Variants in ELN observed in about 807,000 individuals in gnomAD.
ELN encodes the protein tropoelastin.
In ELN, 65 loss-of-function variants were observed where a neutral mutation model predicts 105.8. That is an observed-to-expected ratio of 0.61 (90% CI 0.50 to 0.75). ELN has a LOEUF of 0.75. Ranked by LOEUF, ELN falls within the 30% of genes least tolerant of loss-of-function variation. The probability of loss-of-function intolerance (pLI) is 0.00; values close to 1 mark genes in which losing one functional copy is unlikely to be tolerated. For missense variants in ELN, 882 were observed against 969.4 expected, an observed-to-expected ratio of 0.91 and a Z score of 1.20; for synonymous variants, 368 against 389.2, an observed-to-expected ratio of 0.95 and a Z score of 0.64.
At chr7:74,054,879 A>G in intron 19 of ELN, 110 bp downstream of exon 19, 2 of 1,214,646 alleles carry the variant, frequency 1.6e-6, no homozygotes, top group South Asian at 2.5e-5. Context: ...GCCCAAGGTC[A>G]CCGAGCAAGT....
At chr7:74,051,267 G>A (rs569307079) in intron 15 of ELN, among the ~76,000 whole-genome samples, 6 of 152,274 alleles carry the variant, frequency 3.9e-5, no homozygotes, top group South Asian at 2.1e-4. Context: ...TGGAGGCCCC[G>A]CAGGCCCCCC....
rs1554690556 is a variant in ELN, at chr7:74,068,648, C to T, written c.2132-9C>T. On this transcript the variant is annotated splice_polypyrimidine_tract_variant and intron_variant, in intron 32 of 32. Transcript: ENST00000252034. ...GGACTCACAGTGATGTGCACCTCCTCCCGTCCAGGTGGGGCCTGCCTGGGG... is the reference window on the plus strand; with the variant it reads ...GGACTCACAGTGATGTGCACCTCCTTCCGTCCAGGTGGGGCCTGCCTGGGG... 1 of 1,614,004 alleles carries T rather than the reference C, an allele frequency of 6.2e-7. No homozygotes were observed. The highest frequency in any genetic ancestry group is 1.1e-5 in the South Asian group (1 of 91,088).
At chr7:74,034,471 G>A (rs1212830049) in intron 1 of ELN, among the ~76,000 whole-genome samples, 1 of 150,696 alleles carries the variant, frequency 6.6e-6, no homozygotes, top group Non-Finnish European at 1.5e-5. Context: ...TAGCACTTTA[G>A]GAGGCCAAGG....
rs1798573874 is a variant in ELN at position 74,069,005 on chromosome 7, C to T, written c.*305C>T. The T allele has an allele frequency of 6.2e-6, 3 of 486,502 alleles. No homozygotes were observed. Among genetic ancestry groups the T allele is most frequent in the African/African-American group, 3.9e-5 (2 of 51,918 alleles). The allele number at this position is 486,502 out of a possible 1,614,324, so 30.1% of individuals were successfully genotyped here. ...CCATCTCCAGGGGAACTTGGTGCTA[C>T]ACGCTGGTGCTCTTATCTTCCTGGG... On this transcript the variant is annotated 3_prime_UTR_variant, in exon 33 of 33. Coordinates refer to ENST00000252034, the MANE Select transcript of ELN (RefSeq NM_000501.4).
At chr7:74,050,605 G>GCATT (rs111893691) in intron 15 of ELN, among the ~76,000 whole-genome samples, 34,436 of 150,640 alleles carry the variant, frequency 0.23, 4,194 homozygotes, top group Non-Finnish European at 0.28. Flanking sequence ...ATTCACCCAT[G>GCATT]CATTCATTCA....
rs782791478 is a variant in ELN at position 74,060,132 on chromosome 7, T to TCCC, written c.1577-7_1577-5dup. 1 of 1,614,062 alleles carries TCCC rather than the reference T, an allele frequency of 6.2e-7. No homozygotes were observed. The highest frequency in any genetic ancestry group is 1.1e-5 in the South Asian group (1 of 91,070). ...CATCTCTAATCCCCCTCTCTCTCCC[T>TCCC]CCCTCAGCTGCAGCAAAATCCGCTG... On this transcript the variant is annotated splice_polypyrimidine_tract_variant and splice_region_variant and intron_variant, in intron 23 of 32. Transcript: ENST00000252034.
intron 1 of ELN, among the ~76,000 whole-genome samples, chr7:74,031,850 A>G (rs1554662410): frequency 6.8e-6 from 1 of 146,646 alleles, no homozygotes. Context: ...GAAAGAAAGG[A>G]AGGAAGGAAA....
rs185988110 is a variant in ELN at position 74,069,494 on chromosome 7, C to T, written c.*794C>T. ...CCATCCTACACTCCCCCAGGGCGTG[C>T]GGGGCTGTGCAGACTGGGGTGCCAG... On this transcript the variant is annotated 3_prime_UTR_variant, in exon 33 of 33. Coordinates refer to ENST00000252034, the MANE Select transcript of ELN (RefSeq NM_000501.4). 10 of 234,348 alleles carry T rather than the reference C, an allele frequency of 4.3e-5. No homozygotes were observed. The highest frequency in any genetic ancestry group is 6.7e-5 in the Non-Finnish European group (8 of 118,666). 14.5% of individuals were successfully genotyped at this position (234,348 alleles called of 1,614,324 possible).
chr7:74,042,906 G>C, intron 6 of ELN, 78 bp from the exon 7 acceptor site: 1 of 1,610,168 alleles, frequency 6.2e-7, no homozygotes, highest in Non-Finnish European at 8.5e-7. Context: ...TCAATGCTGG[G>C]CCCTCAGCAT....
chr7:74,042,796 G>A, intron 6 of ELN, 90 bp downstream of exon 6: 1 of 1,557,460 alleles, frequency 6.4e-7, no homozygotes, highest in Non-Finnish European at 8.7e-7. Flanking sequence ...ACTCAGGCTT[G>A]GGAGCCGGGT....
Position 74,051,967 on chromosome 7 carries a change from T to C in ELN, c.933T>C (p.Ala311=). 6.2e-7 allele frequency: 1 copy of C among 1,613,534 alleles called. No homozygotes were observed. Among genetic ancestry groups the C allele is most frequent in the South Asian group, 1.1e-5 (1 of 91,064 alleles). ...PAAAAAAAAA[A]KAAKYGAAAG... ...CAGCTGCAGCTGCAGCAGCAGCCGC[T>C]AAGGCAGCCAAGTATGGTGAGTGCC... Residue 311 remains alanine (A), a synonymous_variant, in exon 17 of 33, where the codon GCT becomes GCC. Transcript: ENST00000252034.
rs1554677615 is a variant in ELN at position 74,053,358 on chromosome 7, GTA to G, written c.1096+51_1096+52del. On this transcript the variant is annotated intron_variant, in intron 18 of 32. Coordinates refer to ENST00000252034, the MANE Select transcript of ELN (RefSeq NM_000501.4). ...TGTGTGTGTGTGTGTGTGTGTGTGTGTATTAGAGAGAAATATTGAGACTATTG... is the reference window on the plus strand; with the variant it reads ...TGTGTGTGTGTGTGTGTGTGTGTGTGTTAGAGAGAAATATTGAGACTATTG... 4 of 1,483,540 alleles carry G rather than the reference GTA, an allele frequency of 2.7e-6. No individual in the cohort carries two copies. The African/African-American group carries it at 4.5e-5, about 17-fold the overall frequency. 91.9% of individuals were successfully genotyped at this position (1,483,540 alleles called of 1,614,324 possible). A position where few individuals can be genotyped will look rare whatever the true frequency, so the allele number is the denominator to read the frequency against.
intron 1 of ELN, among the ~76,000 whole-genome samples, chr7:74,028,995 A>T (rs903390238): frequency 6.6e-6 from 1 of 152,096 alleles, no homozygotes; most frequent in Non-Finnish European, 1.5e-5. Context: ...GGATTTCTGG[A>T]GGGGTACATA....
intron 29 of ELN, among the ~76,000 whole-genome samples, chr7:74,065,075 A>C (rs879957254): frequency 1.0e-3 from 153 of 149,286 alleles, no homozygotes; most frequent in Admixed American, 1.7e-3. Context: ...ACCCCCCCCC[A>C]CCACCACCTC....
chr7:74,041,065 T>C (rs1303001685), intron 4 of ELN, 151 bp from the exon 5 acceptor site: 2 of 961,808 alleles, frequency 2.1e-6, no homozygotes, highest in East Asian at 2.4e-5. Context: ...TGGATGCTAT[T>C]TTATCAGGAT....
rs56152683 is a variant in ELN, at chr7:74,055,857, G to A, written c.1151-414G>A. Reference sequence around the variant, plus strand: ...GCTGGAGTGCAGTGGCGTGATCTCCGCTCACTGCAAGCTCCACCTTCTGGG... The same window carrying A: ...GCTGGAGTGCAGTGGCGTGATCTCCACTCACTGCAAGCTCCACCTTCTGGG... On this transcript the variant is annotated intron_variant, in intron 19 of 32. Coordinates refer to ENST00000252034, the MANE Select transcript of ELN (RefSeq NM_000501.4). 4.2e-3 allele frequency among the ~76,000 whole-genome samples: 630 copies of A among 151,792 alleles called. 1 individual carries two copies. Among genetic ancestry groups the A allele is most frequent in the Non-Finnish European group, 6.6e-3 (450 of 67,980 alleles).
At chr7:74,041,834 G>A (rs534622810) in intron 5 of ELN, among the ~76,000 whole-genome samples, 15 of 152,158 alleles carry the variant, frequency 9.9e-5, no homozygotes, top group Admixed American at 2.0e-4. Context: ...CCACCTCCCC[G>A]GTTCAAGTGA....
In ELN at chr7:74,063,007, A is replaced by T; in HGVS notation, c.1787-146A>T. 9.2e-7 allele frequency: 1 copy of T among 1,083,354 alleles called. No individual in the cohort carries two copies. The highest frequency in any genetic ancestry group is 1.3e-6 in the Non-Finnish European group (1 of 760,250). 67.1% of individuals were successfully genotyped at this position (1,083,354 alleles called of 1,614,324 possible). On this transcript the variant is annotated intron_variant, in intron 26 of 32. Transcript: ENST00000252034. This position sits in a 1 kb window ranked among gnomAD's most constrained non-coding sequence, Gnocchi z 4.1. ...CAGAGCAAAACCCCATCTCAAAATG[A>T]AACAAAATATGGACTGGACTTCCTG... is the stretch of plus-strand genomic sequence containing the variant.
intron 18 of ELN, among the ~76,000 whole-genome samples, chr7:74,053,546 G>T (rs1794584084): frequency 6.6e-6 from 1 of 152,110 alleles, no homozygotes; most frequent in South Asian, 2.1e-4. Flanking sequence ...AGTGTTCTCT[G>T]GGGGGCAGGA....
Sources: gnomAD v4.1 joint callset for allele counts (sites outside exome capture counted in the v4.1 genomes callset) on GRCh38, gnomAD v4.1.1 for gene constraint, Gnocchi (gnomAD v3.1) non-coding constraint, MANE v1.5 for transcripts, NCBI Gene and HGNC (gene_info 2026-07-23, HGNC 2026-07-21) for gene names.